DGKB: variants seen among roughly 807,000 people sequenced by gnomAD.
The protein encoded by DGKB is 90 kDa diacylglycerol kinase.
A neutral mutation model predicts 114.3 loss-of-function variants in DGKB; 67 were observed. The observed-to-expected ratio is 0.59, with a 90% CI of 0.48 to 0.72. The LOEUF (loss-of-function observed/expected upper bound fraction) is 0.72. Among genes scored for constraint, DGKB ranks in the 30% least tolerant of loss-of-function variants. The probability of loss-of-function intolerance (pLI) is 0.00; values close to 1 mark genes in which losing one functional copy is unlikely to be tolerated. For missense variants in DGKB, 907 were observed against 975.2 expected, an observed-to-expected ratio of 0.93 and a Z score of 0.93; for synonymous variants, 398 against 323.1, an observed-to-expected ratio of 1.23 and a Z score of -2.49.
At chr7:14,381,481 T>A (rs1819464330) in intron 21 of DGKB, among the ~76,000 whole-genome samples, 5 of 152,148 alleles carry the variant, frequency 3.3e-5, no homozygotes, top group Admixed American at 3.3e-4. Flanking sequence ...GTGTACATAT[T>A]TTAGAGATGA....
chr7:14,770,629 G>A (rs1482237525), intron 2 of DGKB, among the ~76,000 whole-genome samples: 1 of 152,092 alleles, frequency 6.6e-6, no homozygotes, highest in African/African-American at 2.4e-5. Context: ...GATATCTCTA[G>A]GGAATTCTAG....
At chr7:14,382,358 C>G (rs1300137879) in intron 21 of DGKB, among the ~76,000 whole-genome samples, 1 of 143,590 alleles carries the variant, frequency 7.0e-6, no homozygotes. Context: ...GAAGATGCCT[C>G]TCTATTCACT....
intron 1 of DGKB, among the ~76,000 whole-genome samples, chr7:14,864,403 T>C (rs1851426250): frequency 6.6e-6 from 1 of 152,090 alleles, no homozygotes; most frequent in Non-Finnish European, 1.5e-5. Context: ...CATCCTTCAA[T>C]CAATATGTCT....
At chr7:14,520,993 G>GT (rs760744501) in intron 20 of DGKB, among the ~76,000 whole-genome samples, 68 of 151,966 alleles carry the variant, frequency 4.5e-4, no homozygotes, top group Non-Finnish European at 1.6e-4. Context: ...TATGAGAGGG[G>GT]TTTTTTCTTT....
At chr7:14,682,080 G>A (rs1174899949) in intron 12 of DGKB, among the ~76,000 whole-genome samples, 2 of 152,010 alleles carry the variant, frequency 1.3e-5, no homozygotes, top group African/African-American at 4.8e-5. Context: ...TCTTCACTAT[G>A]TACTTAAATC....
chr7:14,712,259 A>T (rs1827483458), intron 6 of DGKB, among the ~76,000 whole-genome samples: 1 of 152,198 alleles, frequency 6.6e-6, no homozygotes, highest in Non-Finnish European at 1.5e-5. Flanking sequence ...AGTAATTCAG[A>T]GTTCTGTCTT....
At chr7:14,690,836 T>C (rs1206125819) in intron 9 of DGKB, among the ~76,000 whole-genome samples, 1 of 152,254 alleles carries the variant, frequency 6.6e-6, no homozygotes, top group Non-Finnish European at 1.5e-5. Flanking sequence ...TCCAATGAGA[T>C]GAATTCTGAA....
chr7:14,473,359 AG>A (rs1222629929), intron 21 of DGKB, among the ~76,000 whole-genome samples: 5 of 152,284 alleles, frequency 3.3e-5, no homozygotes, highest in African/African-American at 1.2e-4. Context: ...GAGAGTGCAT[AG>A]CAGTAAAGAA....
intron 23 of DGKB, among the ~76,000 whole-genome samples, chr7:14,334,328 C>A (rs1200464835): frequency 7.1e-6 from 1 of 140,100 alleles, no homozygotes; most frequent in East Asian, 2.0e-4. Context: ...CCAGTCAATG[C>A]CACAGTTATT....
chr7:14,776,590 TTA>T (rs1838232524), intron 2 of DGKB, among the ~76,000 whole-genome samples: 1 of 152,222 alleles, frequency 6.6e-6, no homozygotes, highest in African/African-American at 2.4e-5. Context: ...CGAAGCCTTG[TTA>T]GCTTCCATGT....
chr7:14,366,838 G>A (rs1249270500), intron 21 of DGKB, among the ~76,000 whole-genome samples: 1 of 152,026 alleles, frequency 6.6e-6, no homozygotes, highest in Non-Finnish European at 1.5e-5. Context: ...AGGAACATAC[G>A]TTCTTAATTA....
At chr7:14,644,292 T>C (rs1812470476) in intron 13 of DGKB, among the ~76,000 whole-genome samples, 1 of 152,146 alleles carries the variant, frequency 6.6e-6, no homozygotes, top group Non-Finnish European at 1.5e-5. Context: ...TAGATATCAG[T>C]GTAGGGATGC....
Position 14,685,321 on chromosome 7 carries a change from G to T in DGKB, c.753C>A (p.His251Gln). The T allele has an allele frequency of 3.7e-6, 6 of 1,613,898 alleles. No homozygotes were observed. Among genetic ancestry groups the T allele is most frequent in the Non-Finnish European group, 5.1e-6 (6 of 1,179,806 alleles). Residue 251 changes from histidine to glutamine, a missense_variant, in exon 10 of 26, where the codon CAC becomes CAA. Physicochemically the swap from His to Gln is conservative, Grantham distance 24. Around this residue, in one of 3 missense-constraint regions of DGKB, gnomAD observed 814 missense variants for 856.6 expected, o/e 0.95. Transcript: ENST00000402815. ...GGTTGCAATAGGCAGGTTTGTTAAAGTGCTTCAGTCGCCACACGTGCTGTC... is the reference window on the plus strand; with the variant it reads ...GGTTGCAATAGGCAGGTTTGTTAAATTGCTTCAGTCGCCACACGTGCTGTC... ...DDGQHVWRLK[H>Q]FNKPAYCNLC...
At chr7:14,696,136 C>T (rs1823834965) in intron 8 of DGKB, among the ~76,000 whole-genome samples, 2 of 152,114 alleles carry the variant, frequency 1.3e-5, no homozygotes, top group African/African-American at 4.8e-5. Flanking sequence ...AATCTACAAA[C>T]ACACCCCCCA....
rs1330652437 is a variant in DGKB, at chr7:14,471,179, GTATATATACATATATGTATGGAATATA to G, written c.1835+6955_1835+6981del. Among the ~76,000 whole-genome samples, 578 of 102,332 alleles carry G rather than the reference GTATATATACATATATGTATGGAATATA, an allele frequency of 5.6e-3. 4 individuals are homozygous for G. The highest frequency in any genetic ancestry group is 0.011 in the Middle Eastern group (1 of 94). The allele number at this position is 102,332 out of a possible 152,430, so 67.1% of individuals were successfully genotyped here. A position where few individuals can be genotyped will look rare whatever the true frequency, so the allele number is the denominator to read the frequency against. On this transcript the variant is annotated intron_variant, in intron 21 of 25. Transcript: ENST00000402815. Reference sequence around the variant, plus strand: ...AATTTTCCATATATATGGAATATATGTATATATACATATATGTATGGAATATATGTATATATACATATATATGTATGG... The same window carrying G: ...AATTTTCCATATATATGGAATATATGTGTATATATACATATATATGTATGG...
intron 1 of DGKB, among the ~76,000 whole-genome samples, chr7:14,962,636 T>TTGTGTGTGTGTG (rs71004348): frequency 2.5e-4 from 36 of 142,030 alleles, no homozygotes; most frequent in African/African-American, 8.8e-4. Context: ...GTGTGTGTGT[T>TTGTGTGTGTGTG]TGTGTGTGTG....
intron 2 of DGKB, among the ~76,000 whole-genome samples, chr7:14,825,799 T>G (rs1222695462): frequency 1.3e-5 from 2 of 152,118 alleles, no homozygotes; most frequent in East Asian, 3.9e-4. Flanking sequence ...TCCAGGCAAT[T>G]TTTCCCTTCC....
intron 21 of DGKB, among the ~76,000 whole-genome samples, chr7:14,428,269 T>C (rs1405313466): frequency 1.3e-5 from 2 of 152,126 alleles, no homozygotes; most frequent in Admixed American, 6.6e-5. Context: ...GAGCCCCTTA[T>C]TACTCTCATC....
intron 1 of DGKB, among the ~76,000 whole-genome samples, chr7:14,944,058 C>G (rs868506082): frequency 1.3e-5 from 2 of 151,850 alleles, no homozygotes; most frequent in Non-Finnish European, 2.9e-5. Flanking sequence ...CATCATCGAT[C>G]CCATTGTTAT....
Sources: gnomAD v4.1 joint callset for allele counts (sites outside exome capture counted in the v4.1 genomes callset) on GRCh38, gnomAD v4.1.1 for gene constraint, gnomAD v4.1.1 regional missense constraint, MANE v1.5 for transcripts, NCBI Gene and HGNC (gene_info 2026-07-23, HGNC 2026-07-21) for gene names.